ESYT2: variants seen among roughly 807,000 people sequenced by gnomAD.
The protein encoded by ESYT2 is extended synaptotagmin 2.
In ESYT2, 54 loss-of-function variants were observed where a neutral mutation model predicts 107.2. That is an observed-to-expected ratio of 0.50 (90% CI 0.40 to 0.63). The LOEUF is 0.63. Among genes scored for constraint, ESYT2 ranks in the 30% least tolerant of loss-of-function variants. ESYT2 has a pLI of 0.00. For missense variants in ESYT2, 1,020 were observed against 1,094.5 expected, an observed-to-expected ratio of 0.93 and a Z score of 0.96; for synonymous variants, 491 against 434.1, an observed-to-expected ratio of 1.13 and a Z score of -1.63.
In ESYT2 at chr7:158,761,529, G is replaced by C; in HGVS notation, c.1200C>G (p.Leu400=). The part of the protein sequence containing the change: ...DDFLGSLMID[L]IEVEKERLLD... The stretch of plus-strand genomic sequence containing the variant: ...AAAGGCGCTCCTTTTCAACTTCAAT[G>C]AGGTCAATCATAAGACTATAAAAAT... The change falls in exon 11 of 23, where the codon CTC becomes CTG. Residue 400 remains leucine (L), a synonymous_variant. Coordinates refer to ENST00000275418, the MANE Select transcript of ESYT2 (RefSeq NM_001367773.1). 1 of 1,613,974 alleles carries C rather than the reference G, an allele frequency of 6.2e-7. No homozygotes were observed. Among genetic ancestry groups the C allele is most frequent in the Non-Finnish European group, 8.5e-7 (1 of 1,179,868 alleles).
chr7:158,818,529 G>A (rs867330228), intron 1 of ESYT2, among the ~76,000 whole-genome samples: 34 of 152,194 alleles, frequency 2.2e-4, no homozygotes, highest in Admixed American at 2.2e-3. Flanking sequence ...CAGCAGAGGT[G>A]GGGGAGGGAG....
intron 17 of ESYT2, 103 bp from the exon 18 acceptor site, chr7:158,741,999 C>G: frequency 7.1e-7 from 1 of 1,405,524 alleles, no homozygotes; most frequent in Non-Finnish European, 9.5e-7. Context: ...TTCTTTAAAA[C>G]TTAGCTCAAA....
At chr7:158,824,290 G>A (rs1306487658) in intron 1 of ESYT2, among the ~76,000 whole-genome samples, 2 of 152,196 alleles carry the variant, frequency 1.3e-5, no homozygotes, top group Non-Finnish European at 2.9e-5. Flanking sequence ...TGACCACTCG[G>A]ATTCAGGTGC....
chr7:158,734,550 A>G, intron 21 of ESYT2, 79 bp from the exon 22 acceptor site: 2 of 1,327,904 alleles, frequency 1.5e-6, no homozygotes, highest in Non-Finnish European at 2.1e-6. Context: ...GCACTTTGGG[A>G]GGCCAAGATG....
intron 1 of ESYT2, among the ~76,000 whole-genome samples, chr7:158,820,212 A>G (rs559915978): frequency 5.3e-5 from 8 of 152,366 alleles, no homozygotes; most frequent in Admixed American, 2.0e-4. Flanking sequence ...TACTAAAAGA[A>G]TGGGGGAGAG....
chr7:158,739,702 C>T (rs1432778938), intron 18 of ESYT2, among the ~76,000 whole-genome samples: 1 of 152,100 alleles, frequency 6.6e-6, no homozygotes, highest in Non-Finnish European at 1.5e-5. Flanking sequence ...TCCTAAGCCC[C>T]CACCCCACTC....
intron 15 of ESYT2, among the ~76,000 whole-genome samples, chr7:158,749,444 A>G (rs773417277): frequency 6.6e-6 from 1 of 152,216 alleles, no homozygotes; most frequent in Non-Finnish European, 1.5e-5. Flanking sequence ...AAAAATGAAC[A>G]GTATATTTCT....
intron 16 of ESYT2, chr7:158,744,029 G>A (rs565595310): frequency 8.1e-5 from 16 of 197,028 alleles, no homozygotes; most frequent in African/African-American, 1.4e-4. Context: ...AGCTGATATC[G>A]CGCCACTGCA....
At chr7:158,769,662 A>C (rs889880502) in intron 7 of ESYT2, among the ~76,000 whole-genome samples, 1 of 152,196 alleles carries the variant, frequency 6.6e-6, no homozygotes, top group South Asian at 2.1e-4. Context: ...TTATCAAAAC[A>C]TAACGGATAT....
At chr7:158,815,498 T>C (rs1209412816) in intron 1 of ESYT2, among the ~76,000 whole-genome samples, 11 of 152,136 alleles carry the variant, frequency 7.2e-5, no homozygotes, top group Admixed American at 7.2e-4. Flanking sequence ...TAGATATGTG[T>C]CCCCAGTCCC....
At chr7:158,778,128 T>C (rs573571779) in intron 6 of ESYT2, among the ~76,000 whole-genome samples, 1 of 152,352 alleles carries the variant, frequency 6.6e-6, no homozygotes, top group South Asian at 2.1e-4. Context: ...ACCATAGTCT[T>C]AATAGCATTA....
chr7:158,752,875 G>A (rs937332883), intron 13 of ESYT2, 32 bp from the exon 14 acceptor site: 4 of 1,266,576 alleles, frequency 3.2e-6, no homozygotes, highest in Admixed American at 4.7e-5. Context: ...AATATGCCAA[G>A]GGTTAATAAA....
At chr7:158,779,846 A>G (rs1269983690) in intron 6 of ESYT2, among the ~76,000 whole-genome samples, 1 of 152,210 alleles carries the variant, frequency 6.6e-6, no homozygotes, top group Non-Finnish European at 1.5e-5. Context: ...TACAGAGGCT[A>G]TGCAGAGCTT....
At chr7:158,776,023 G>C (rs1313687189) in intron 6 of ESYT2, among the ~76,000 whole-genome samples, 1 of 152,238 alleles carries the variant, frequency 6.6e-6, no homozygotes, top group Non-Finnish European at 1.5e-5. Flanking sequence ...ACCTGCATCA[G>C]ATCTCCTGGG....
chr7:158,819,011 T>C (rs963166915), intron 1 of ESYT2, among the ~76,000 whole-genome samples: 1 of 152,242 alleles, frequency 6.6e-6, no homozygotes, highest in Non-Finnish European at 1.5e-5. Flanking sequence ...AACCTCAAAG[T>C]AGCCATTACT....
intron 21 of ESYT2, among the ~76,000 whole-genome samples, chr7:158,734,969 T>C (rs1296360993): frequency 2.0e-5 from 3 of 152,216 alleles, no homozygotes; most frequent in Non-Finnish European, 4.4e-5. Flanking sequence ...GCTGAATACA[T>C]CTAAGAAATC....
chr7:158,806,120 A>G (rs1839822792), intron 1 of ESYT2, among the ~76,000 whole-genome samples: 2 of 150,560 alleles, frequency 1.3e-5, no homozygotes, highest in African/African-American at 5.0e-5. Flanking sequence ...GCCGGGGCAC[A>G]CCGCGTGGGA....
chr7:158,755,133 G>A (rs550304641), intron 13 of ESYT2, among the ~76,000 whole-genome samples: 1 of 152,308 alleles, frequency 6.6e-6, no homozygotes, highest in East Asian at 1.9e-4. Context: ...TTTGCAGATG[G>A]GGATCGCTGG....
At chr7:158,742,873 G>A (rs897944524) in intron 17 of ESYT2, among the ~76,000 whole-genome samples, 3 of 152,340 alleles carry the variant, frequency 2.0e-5, no homozygotes, top group South Asian at 2.1e-4. Context: ...CAGGGTTGTC[G>A]CAGCTCCCTC....
Sources: gnomAD v4.1 joint callset for allele counts (sites outside exome capture counted in the v4.1 genomes callset) on GRCh38, gnomAD v4.1.1 for gene constraint, MANE v1.5 for transcripts, NCBI Gene and HGNC (gene_info 2026-07-23, HGNC 2026-07-21) for gene names.